The following NCOR2 variants were observed in gnomAD, a reference collection of about 807,000 sequenced individuals.
NCOR2 encodes the protein nuclear receptor corepressor 2.
Under a neutral mutation model 262.9 loss-of-function variants are expected in NCOR2, and 81 were observed. The ratio of observed to expected loss-of-function variants is 0.31; its 90% CI spans 0.26 to 0.37. The LOEUF is 0.37. NCOR2 is among the 10% of genes least tolerant of loss of function. The probability of loss-of-function intolerance (pLI) is 1.00; values close to 1 mark genes in which losing one functional copy is unlikely to be tolerated. For synonymous variants in NCOR2, 1,659 were observed against 1,559.3 expected, an observed-to-expected ratio of 1.06 and a Z score of -1.51; for missense variants, 3,385 against 3,621.4, an observed-to-expected ratio of 0.93 and a Z score of 1.68.
At chr12:124,346,418 G>A in intron 31 of NCOR2, 146 bp downstream of exon 33, 1 of 893,076 alleles carries the variant, frequency 1.1e-6, no homozygotes, top group Non-Finnish European at 1.6e-6. Flanking sequence ...GCACAGCTGA[G>A]GCCCGGTGAT....
At chr12:124,342,130 C>T (rs12314162) in intron 33 of NCOR2, 56 bp from the exon 36 acceptor site, 258,441 of 1,542,572 alleles carry the variant, frequency 0.17, 22,401 homozygotes, top group Admixed American at 0.24. Context: ...CTGATGGTGT[C>T]GCTCCACCTG....
chr12:124,524,817 G>C (rs1008002461), intron 1 of NCOR2, among the ~76,000 whole-genome samples: 1 of 152,120 alleles, frequency 6.6e-6, no homozygotes, highest in African/African-American at 2.4e-5. Flanking sequence ...CCTGAACCTC[G>C]TCCTCACAAC....
chr12:124,407,555 C>T (rs1024552559), intron 13 of NCOR2, among the ~76,000 whole-genome samples: 1 of 152,174 alleles, frequency 6.6e-6, no homozygotes, highest in African/African-American at 2.4e-5. Context: ...TCACATGACC[C>T]ACCCCATGTT....
intron 16 of NCOR2, among the ~76,000 whole-genome samples, chr12:124,393,877 C>T (rs1449697273): frequency 1.3e-5 from 2 of 152,268 alleles, no homozygotes; most frequent in African/African-American, 2.4e-5. Flanking sequence ...ATGGGCTCCA[C>T]GGTGTTACTG....
chr12:124,391,827 C>T (rs988065660), intron 16 of NCOR2, among the ~76,000 whole-genome samples: 2 of 152,264 alleles, frequency 1.3e-5, no homozygotes, highest in Admixed American at 6.5e-5. Flanking sequence ...CACCTGCATA[C>T]GACCTGGCGC....
chr12:124,416,470 T>C (rs1044196227), intron 13 of NCOR2, among the ~76,000 whole-genome samples: 1 of 152,164 alleles, frequency 6.6e-6, no homozygotes, highest in Non-Finnish European at 1.5e-5. Context: ...GGCCTTTTAT[T>C]CTACGGAGTC....
Position 124,389,101 on chromosome 12 carries a change from T to C in NCOR2, c.1877-3214A>G, listed in dbSNP as rs1346844166. Among the ~76,000 whole-genome samples, 4 of 152,168 alleles carry C rather than the reference T, an allele frequency of 2.6e-5. No individual in the cohort carries two copies. The highest frequency in any genetic ancestry group is 7.2e-5 in the African/African-American group (3 of 41,448). On this transcript the variant is annotated intron_variant, in intron 16 of 46. Transcript: ENST00000405201. The surrounding 1 kb of genome is among the most constrained non-coding windows in gnomAD (Gnocchi z 4.4). ...GGCGGGAAGTTGTCAGTGGTGCGTG[T>C]GGGATGCCCCTGGGCCAGGTATCAC...
At chr12:124,390,512 A>C (rs1011492943) in intron 16 of NCOR2, among the ~76,000 whole-genome samples, 1 of 128,396 alleles carries the variant, frequency 7.8e-6, no homozygotes, top group Non-Finnish European at 1.6e-5. Flanking sequence ...CCAGGGTTTG[A>C]TCATCTTCAT....
chr12:124,398,268 G>C (rs1202633727), intron 15 of NCOR2, 87 bp from the exon 18 acceptor site: 1 of 1,434,174 alleles, frequency 7.0e-7, no homozygotes, highest in Non-Finnish European at 9.8e-7. Context: ...AGCCAGGGAG[G>C]GAGTAGACCA....
At chr12:124,524,233 A>G (rs983135517) in intron 1 of NCOR2, among the ~76,000 whole-genome samples, 2 of 152,226 alleles carry the variant, frequency 1.3e-5, no homozygotes, top group Non-Finnish European at 1.5e-5. Flanking sequence ...CCAGATTTCC[A>G]GCTTCTCTTG....
intron 41 of NCOR2, among the ~76,000 whole-genome samples, chr12:124,334,070 C>T (rs922554281): frequency 2.1e-5 from 3 of 143,328 alleles, no homozygotes; most frequent in African/African-American, 7.3e-5. Flanking sequence ...AACAAATCCC[C>T]CTCTGTCACC....
chr12:124,330,751 G>A (rs1593074065), intron 44 of NCOR2, 94 bp downstream of exon 46: 6 of 1,386,664 alleles, frequency 4.3e-6, no homozygotes, highest in African/African-American at 1.4e-5. Context: ...CCAGACTAGC[G>A]AAGGCTCCTC....
chr12:124,370,774 C>CAG (rs1432307873), intron 20 of NCOR2, among the ~76,000 whole-genome samples: 1 of 152,114 alleles, frequency 6.6e-6, no homozygotes, highest in Non-Finnish European at 1.5e-5. Flanking sequence ...GGAGCAAAGA[C>CAG]AGAGGCCAGA....
intron 13 of NCOR2, among the ~76,000 whole-genome samples, chr12:124,403,180 G>A (rs1303342900): frequency 2.6e-5 from 4 of 152,124 alleles, no homozygotes; most frequent in Non-Finnish European, 4.4e-5. Flanking sequence ...TGTAAAACGG[G>A]GAGGTGGGGG....
chr12:124,564,018 A>T (rs982416796), intron 1 of NCOR2, among the ~76,000 whole-genome samples: 1 of 152,248 alleles, frequency 6.6e-6, no homozygotes, highest in Non-Finnish European at 1.5e-5. Flanking sequence ...TCTATAAAAT[A>T]AGATAATAAA....
intron 6 of NCOR2, among the ~76,000 whole-genome samples, chr12:124,455,831 T>C (rs999137150): frequency 6.6e-6 from 1 of 152,192 alleles, no homozygotes; most frequent in Non-Finnish European, 1.5e-5. Flanking sequence ...TTGGCAAACA[T>C]GCAGTGGAGC....
At chr12:124,393,074 C>G (rs951977) in intron 16 of NCOR2, among the ~76,000 whole-genome samples, 2,396 of 152,368 alleles carry the variant, frequency 0.016, 29 homozygotes, top group Non-Finnish European at 0.026. Context: ...ACCCCCTCCA[C>G]AGCAGGTTCT....
intron 5 of NCOR2, among the ~76,000 whole-genome samples, chr12:124,461,961 C>T (rs1296323233): frequency 2.0e-5 from 3 of 152,202 alleles, no homozygotes; most frequent in Non-Finnish European, 4.4e-5. Context: ...TACACATGTG[C>T]ACACAGCCAT....
chr12:124,362,423 C>T (rs2038658799), intron 21 of NCOR2, 126 bp from the exon 24 acceptor site: 1 of 838,930 alleles, frequency 1.2e-6, no homozygotes, highest in Non-Finnish European at 1.7e-6. Flanking sequence ...GCTCAAGGTC[C>T]CAGGTGCGGC....
Sources: allele counts gnomAD v4.1 joint callset (sites outside exome capture counted in the v4.1 genomes callset), GRCh38; gene constraint gnomAD v4.1.1; non-coding constraint Gnocchi (gnomAD v3.1); transcripts MANE v1.5; gene names NCBI Gene and HGNC (gene_info 2026-07-23, HGNC 2026-07-21).